Variants in UNC5D observed in about 807,000 individuals in gnomAD.
UNC5D encodes the protein unc-5 netrin receptor D.
Under a neutral mutation model 105.4 loss-of-function variants are expected in UNC5D, and 39 were observed. That is an observed-to-expected ratio of 0.37 (90% confidence interval 0.29 to 0.48). The LOEUF (loss-of-function observed/expected upper bound fraction) is 0.48, where lower values mean the gene tolerates loss of function less well. Among genes scored for constraint, UNC5D ranks in the 20% least tolerant of loss-of-function variants. UNC5D has a pLI of 0.98. For synonymous variants in UNC5D, 452 were observed against 450.4 expected, an observed-to-expected ratio of 1.00 and a Z score of -0.04; for missense variants, 991 against 1,202.4, an observed-to-expected ratio of 0.82 and a Z score of 2.60.
chr8:35,349,007 A>G (rs1563333760), intron 1 of UNC5D, among the ~76,000 whole-genome samples: 2 of 151,982 alleles, frequency 1.3e-5, no homozygotes, highest in South Asian at 2.1e-4. Flanking sequence ...GCAAATTTAC[A>G]TGACGTTATT....
At chr8:35,401,086 G>A (rs1481548863) in intron 1 of UNC5D, among the ~76,000 whole-genome samples, 1 of 152,026 alleles carries the variant, frequency 6.6e-6, no homozygotes, top group East Asian at 1.9e-4. Context: ...AGTAACTATA[G>A]TCCTCTTACA....
intron 1 of UNC5D, among the ~76,000 whole-genome samples, chr8:35,463,385 G>A (rs779488336): frequency 2.0e-5 from 3 of 152,098 alleles, no homozygotes; most frequent in Non-Finnish European, 4.4e-5. Context: ...TTTCAAACTG[G>A]GTAGGGATTA....
At chr8:35,488,075 C>T (rs990303816) in intron 1 of UNC5D, among the ~76,000 whole-genome samples, 5 of 152,130 alleles carry the variant, frequency 3.3e-5, no homozygotes, top group South Asian at 2.1e-4. Context: ...AAAATCAGAA[C>T]ATGAAGATTT....
At chr8:35,544,267 C>T (rs1815482165) in intron 1 of UNC5D, 12 of 1,102,230 alleles carry the variant, frequency 1.1e-5, no homozygotes, top group Middle Eastern at 3.1e-4. Flanking sequence ...CTTTCCTGAA[C>T]AGCTGATGGC....
intron 2 of UNC5D, among the ~76,000 whole-genome samples, chr8:35,561,842 A>T (rs1047640646): frequency 2.0e-5 from 3 of 152,236 alleles, no homozygotes; most frequent in African/African-American, 7.2e-5. Context: ...TAAGGATAAT[A>T]GAAATATCCA....
chr8:35,739,429 C>T (rs187530216), intron 11 of UNC5D, among the ~76,000 whole-genome samples: 42 of 152,242 alleles, frequency 2.8e-4, no homozygotes, highest in African/African-American at 8.7e-4. Context: ...TCCTCTCCAC[C>T]TCAAACCCCC....
chr8:35,344,243 T>C (rs1042451370), intron 1 of UNC5D, among the ~76,000 whole-genome samples: 7 of 152,086 alleles, frequency 4.6e-5, no homozygotes, highest in Non-Finnish European at 8.8e-5. Flanking sequence ...GGTAGTAAGA[T>C]GCGACTGTAC....
rs190064233 is a variant in UNC5D, at chr8:35,300,960, G to A, written c.103+65073G>A. Among the ~76,000 whole-genome samples, 8 of 152,302 alleles carry A rather than the reference G, an allele frequency of 5.3e-5. No individual in the cohort carries two copies. In the East Asian group the frequency reaches 1.4e-3, roughly 26 times the overall value. ...GCAGATAGACACCAATAGGAATACA[G>A]ATGTGTGTGTATGTTTATGTGTATA... On this transcript the variant is annotated intron_variant, in intron 1 of 16. Coordinates refer to ENST00000404895, the MANE Select transcript of UNC5D (RefSeq NM_080872.4).
At chr8:35,507,633 AG>A in intron 1 of UNC5D, among the ~76,000 whole-genome samples, 1 of 149,000 alleles carries the variant, frequency 6.7e-6, no homozygotes, top group African/African-American at 2.5e-5. Context: ...GGGGAGGTAA[AG>A]GGGAGGTGGG....
rs547686194 is a variant in UNC5D at position 35,493,370 on chromosome 8, C to T, written c.104-55922C>T. 4.0e-5 allele frequency among the ~76,000 whole-genome samples: 6 copies of T among 149,190 alleles called. No individual in the cohort carries two copies. The Admixed American group carries it at 4.0e-4, about 10-fold the overall frequency. On this transcript the variant is annotated intron_variant, in intron 1 of 16. Transcript: ENST00000404895. ...TTCTAGTCAAGCATCTGTTCCTAGT[C>T]TTGAAAATAGGAAATGTGTTATCCA...
chr8:35,320,865 T>G (rs1438716038), intron 1 of UNC5D, among the ~76,000 whole-genome samples: 2 of 152,168 alleles, frequency 1.3e-5, no homozygotes, highest in Non-Finnish European at 2.9e-5. Flanking sequence ...TGGAGTTTTA[T>G]TTTTGACTTA....
rs554122567 is a variant in UNC5D, at chr8:35,662,736, G to A, written c.571-20811G>A. 1.3e-4 allele frequency among the ~76,000 whole-genome samples: 20 copies of A among 152,258 alleles called. No individual in the cohort carries two copies. The South Asian group carries it at 3.5e-3, about 27-fold the overall frequency. On this transcript the variant is annotated intron_variant, in intron 4 of 16. Transcript: ENST00000404895. ...TCTGCAGTCACAAGTTTGTTAGAGC[G>A]GTGAGGTTTTTACCACTCAGTTCCT...
At chr8:35,592,261 T>G (rs530242021) in intron 3 of UNC5D, among the ~76,000 whole-genome samples, 23 of 152,222 alleles carry the variant, frequency 1.5e-4, no homozygotes, top group Non-Finnish European at 3.4e-4. Flanking sequence ...TCCTTTTGAC[T>G]TTAAAGAACT....
chr8:35,253,767 G>T (rs1040028680), intron 1 of UNC5D, among the ~76,000 whole-genome samples: 5 of 152,056 alleles, frequency 3.3e-5, no homozygotes, highest in African/African-American at 1.2e-4. Context: ...GGGATTATAG[G>T]TGTGAGCCAC....
rs1358394433 is a variant in UNC5D, at chr8:35,790,798, G to T, written c.*235G>T. 3.6e-6 allele frequency: 2 copies of T among 556,696 alleles called. No individual in the cohort carries two copies. Among genetic ancestry groups the T allele is most frequent in the African/African-American group, 1.9e-5 (1 of 53,106 alleles). 34.5% of individuals were successfully genotyped at this position (556,696 alleles called of 1,614,324 possible). A position where few individuals can be genotyped will look rare whatever the true frequency, so the allele number is the denominator to read the frequency against. ...CTATCTCCTTGGAATCCACATTTGG[G>T]TTAACTCCTCAGATTTGGAGTGGCA... On this transcript the variant is annotated 3_prime_UTR_variant, in exon 17 of 17. Coordinates refer to ENST00000404895, the MANE Select transcript of UNC5D (RefSeq NM_080872.4).
chr8:35,479,032 T>C (rs1246281273), intron 1 of UNC5D, among the ~76,000 whole-genome samples: 3 of 152,172 alleles, frequency 2.0e-5, no homozygotes, highest in Non-Finnish European at 4.4e-5. Flanking sequence ...TTCAGAAATA[T>C]CAACGTAGTT....
intron 11 of UNC5D, among the ~76,000 whole-genome samples, chr8:35,736,805 C>T (rs981028474): frequency 8.6e-5 from 13 of 151,978 alleles, no homozygotes; most frequent in Admixed American, 3.9e-4. Flanking sequence ...CAAAGCAGAG[C>T]GAAATATGAA....
chr8:35,645,744 T>G (rs1463360925), intron 4 of UNC5D, among the ~76,000 whole-genome samples: 1 of 152,074 alleles, frequency 6.6e-6, no homozygotes, highest in Admixed American at 6.6e-5. Context: ...GGCAAAGGAA[T>G]TTTGCTATTA....
At chr8:35,235,961 C>A in intron 1 of UNC5D, 74 bp downstream of exon 1, 2 of 1,185,506 alleles carry the variant, frequency 1.7e-6, no homozygotes, top group South Asian at 4.3e-5. Flanking sequence ...GGACCTGCAC[C>A]GATGGCGTTG....
Sources: gnomAD v4.1 joint callset for allele counts (sites outside exome capture counted in the v4.1 genomes callset) on GRCh38, gnomAD v4.1.1 for gene constraint, MANE v1.5 for transcripts, NCBI Gene and HGNC (gene_info 2026-07-23, HGNC 2026-07-21) for gene names.